GALNT13: variants seen among roughly 807,000 people sequenced by gnomAD.
GALNT13 encodes polypeptide N-acetylgalactosaminyltransferase 13, also known as UDP-GalNAc:polypeptide N-acetylgalactosaminyltransferase 13.
Under a neutral mutation model 64.2 loss-of-function variants are expected in GALNT13, and 28 were observed. The observed-to-expected ratio is 0.44, with a 90% CI of 0.32 to 0.60. The LOEUF is 0.60. Ranked by LOEUF, GALNT13 falls within the 20% of genes least tolerant of loss-of-function variation. GALNT13 has a pLI of 0.05. For synonymous variants in GALNT13, 214 were observed against 224.6 expected (o/e 0.95, Z 0.42); for missense variants, 577 against 669.8 (o/e 0.86, Z 1.53).
chr2:153,078,295 A>T, the GALNT13 span, among the ~76,000 whole-genome samples: 1 of 149,526 alleles, frequency 6.7e-6, no homozygotes, highest in Admixed American at 6.7e-5. Flanking sequence ...CAAATAAAGA[A>T]TTGATAGTTC....
intron 1 of GALNT13, among the ~76,000 whole-genome samples, chr2:153,880,273 G>A (rs1337280530): frequency 6.6e-6 from 1 of 152,150 alleles, no homozygotes; most frequent in African/African-American, 2.4e-5. Flanking sequence ...GAAAACTGAT[G>A]TATTGATCTT....
At chr2:153,438,138 A>G in the GALNT13 span, among the ~76,000 whole-genome samples, 10 of 152,320 alleles carry the variant, frequency 6.6e-5, no homozygotes, top group East Asian at 1.9e-4. Flanking sequence ...TTCTTTAAGA[A>G]TGTTGAATAT....
At chr2:153,982,325 G>C (rs1358170954) in intron 3 of GALNT13, among the ~76,000 whole-genome samples, 1 of 152,008 alleles carries the variant, frequency 6.6e-6, no homozygotes, top group East Asian at 1.9e-4. Flanking sequence ...TTTAAATATT[G>C]ATCTGTTTTC....
chr2:153,964,744 AT>A (rs1451162263), intron 3 of GALNT13, among the ~76,000 whole-genome samples: 3 of 151,982 alleles, frequency 2.0e-5, no homozygotes, highest in Non-Finnish European at 1.5e-5. Flanking sequence ...GTAGAAAAAA[AT>A]AAAATTAAAA....
chr2:153,698,257 A>T, the GALNT13 span, among the ~76,000 whole-genome samples: 2 of 152,178 alleles, frequency 1.3e-5, no homozygotes, highest in Admixed American at 1.3e-4. Context: ...TTAACCTTAA[A>T]TGTAAATGGG....
chr2:153,542,110 G>A, the GALNT13 span, among the ~76,000 whole-genome samples: 1 of 152,184 alleles, frequency 6.6e-6, no homozygotes, highest in South Asian at 2.1e-4. Context: ...CTGATGTCAG[G>A]AGTTCAAGAC....
At chr2:154,177,316 T>C (rs1199068508) in intron 4 of GALNT13, among the ~76,000 whole-genome samples, 1 of 152,096 alleles carries the variant, frequency 6.6e-6, no homozygotes, top group Non-Finnish European at 1.5e-5. Flanking sequence ...AGGTTATATA[T>C]AGTTGAAACT....
chr2:154,191,293 GCTCA>G (rs1345436960), intron 4 of GALNT13, among the ~76,000 whole-genome samples: 1 of 152,090 alleles, frequency 6.6e-6, no homozygotes, highest in African/African-American at 2.4e-5. Context: ...TAAATTTTTG[GCTCA>G]CTGACTTCTC....
chr2:153,937,952 A>G (rs915933174), intron 2 of GALNT13, among the ~76,000 whole-genome samples: 1 of 152,200 alleles, frequency 6.6e-6, no homozygotes, highest in African/African-American at 2.4e-5. Flanking sequence ...GAAGATAGGG[A>G]TGTATAGACA....
chr2:153,763,366 C>A, the GALNT13 span, among the ~76,000 whole-genome samples: 1 of 152,098 alleles, frequency 6.6e-6, no homozygotes, highest in African/African-American at 2.4e-5. Context: ...CATATCTCAC[C>A]TTGAATTGTA....
chr2:154,247,462 A>C (rs1318020186), intron 7 of GALNT13, among the ~76,000 whole-genome samples: 2 of 152,080 alleles, frequency 1.3e-5, no homozygotes, highest in African/African-American at 4.8e-5. Context: ...TATTCATTTG[A>C]AAATGCTGTT....
the GALNT13 span, among the ~76,000 whole-genome samples, chr2:153,547,592 G>A: frequency 6.6e-5 from 10 of 152,300 alleles, no homozygotes; most frequent in East Asian, 1.9e-3. Context: ...TCTAGATAGT[G>A]AGGATATACC....
chr2:153,321,926 G>A, the GALNT13 span, among the ~76,000 whole-genome samples: 2 of 152,046 alleles, frequency 1.3e-5, no homozygotes, highest in African/African-American at 2.4e-5. Context: ...GAGTCTAAGA[G>A]TCTGAAGTGG....
chr2:154,338,727 G>T (rs1305258597), intron 9 of GALNT13, among the ~76,000 whole-genome samples: 4 of 152,056 alleles, frequency 2.6e-5, no homozygotes, highest in Non-Finnish European at 5.9e-5. Context: ...TAGTTGTCTG[G>T]TACCAGGGCC....
intron 8 of GALNT13, among the ~76,000 whole-genome samples, chr2:154,277,670 G>C (rs147929255): frequency 5.9e-5 from 9 of 152,124 alleles, no homozygotes; most frequent in Admixed American, 2.0e-4. Flanking sequence ...AAAATTGAGT[G>C]GTAAGTACCA....
At chr2:153,514,081 A>G in the GALNT13 span, among the ~76,000 whole-genome samples, 1 of 152,060 alleles carries the variant, frequency 6.6e-6, no homozygotes, top group African/African-American at 2.4e-5. Context: ...ATTCTGGGGA[A>G]TTCATTTTTA....
chr2:153,349,202 G>GA, the GALNT13 span, among the ~76,000 whole-genome samples: 5 of 150,456 alleles, frequency 3.3e-5, no homozygotes, highest in African/African-American at 9.8e-5. Context: ...GAGCAAGTGT[G>GA]AAAAAAAACA....
At chr2:153,436,533 A>G in the GALNT13 span, among the ~76,000 whole-genome samples, 1 of 152,006 alleles carries the variant, frequency 6.6e-6, no homozygotes, top group East Asian at 1.9e-4. Context: ...TCAGAGATTC[A>G]CCTTCTTCCT....
the GALNT13 span, among the ~76,000 whole-genome samples, chr2:153,602,843 G>A: frequency 3.3e-5 from 5 of 151,676 alleles, no homozygotes; most frequent in African/African-American, 1.2e-4. Flanking sequence ...AATGGGAAAG[G>A]AAAAAAGTAA....
Sources: gnomAD v4.1 joint callset for allele counts (sites outside exome capture counted in the v4.1 genomes callset) on GRCh38, gnomAD v4.1.1 for gene constraint, MANE v1.5 for transcripts, NCBI Gene and HGNC (gene_info 2026-07-23, HGNC 2026-07-21) for gene names.